The following TSPAN12 variants were observed in gnomAD, a reference collection of about 807,000 sequenced individuals.
TSPAN12 encodes tetraspanin 12.
TSPAN12 carries 19 observed loss-of-function variants against 39.2 expected under a neutral mutation model. That is an observed-to-expected ratio of 0.49 (90% confidence interval 0.34 to 0.71). TSPAN12 has a LOEUF of 0.71. Ranked by LOEUF, TSPAN12 falls within the 30% of genes least tolerant of loss-of-function variation. TSPAN12 has a pLI of 0.01. For synonymous variants in TSPAN12, 119 were observed against 124.8 expected, an observed-to-expected ratio of 0.95 and a Z score of 0.31; for missense variants, 314 against 359.9, an observed-to-expected ratio of 0.87 and a Z score of 1.03.
Position 120,806,545 on chromosome 7 carries a change from T to C in TSPAN12, c.612+4A>G, listed in dbSNP as rs752095641. The stretch of plus-strand genomic sequence containing the variant: ...CATAATAAATTAACCATATATGGCC[T>C]CACCTCTTGATAAAGGTCACTGAGA... On this transcript the variant is annotated splice_donor_region_variant and intron_variant, in intron 7 of 7. Coordinates refer to ENST00000222747, the MANE Select transcript of TSPAN12 (RefSeq NM_012338.4). 1.4e-5 allele frequency: 23 copies of C among 1,612,964 alleles called. No homozygotes were observed. The highest frequency in any genetic ancestry group is 1.9e-5 in the Non-Finnish European group (22 of 1,179,262).
chr7:120,788,490 C>G lies in TSPAN12; in HGVS notation c.*102G>C. ...TATATGCTTAGGTGTTATTTTATGG[C>G]AACATTTTTATTTCTACATATTTCT... is the stretch of plus-strand genomic sequence containing the variant. On this transcript the variant is annotated 3_prime_UTR_variant, in exon 8 of 8. Transcript: ENST00000222747. 7.0e-7 allele frequency: 1 copy of G among 1,434,158 alleles called. No homozygotes were observed. The allele number at this position is 1,434,158 out of a possible 1,614,324, so 88.8% of individuals were successfully genotyped here.
At chr7:120,841,787 G>A (rs1345778771) in intron 2 of TSPAN12, among the ~76,000 whole-genome samples, 1 of 152,156 alleles carries the variant, frequency 6.6e-6, no homozygotes, top group Non-Finnish European at 1.5e-5. Flanking sequence ...AAGTTAGGTG[G>A]GAAGTAGAGA....
intron 4 of TSPAN12, among the ~76,000 whole-genome samples, chr7:120,826,130 A>G (rs1794282024): frequency 6.6e-6 from 1 of 152,162 alleles, no homozygotes; most frequent in African/African-American, 2.4e-5. Flanking sequence ...CTAAAATTGT[A>G]TCTTAATTTA....
intron 6 of TSPAN12, among the ~76,000 whole-genome samples, chr7:120,808,622 G>A (rs1201423580): frequency 2.6e-5 from 4 of 152,034 alleles, no homozygotes. Context: ...CAACTACTAT[G>A]TTAAAATAAA....
At chr7:120,827,571 A>T (rs553208773) in intron 4 of TSPAN12, among the ~76,000 whole-genome samples, 1 of 152,342 alleles carries the variant, frequency 6.6e-6, no homozygotes, top group South Asian at 2.1e-4. Context: ...AGTCTAAATG[A>T]TAGAAGGAAG....
At chr7:120,833,783 T>C (rs1296579032) in intron 4 of TSPAN12, among the ~76,000 whole-genome samples, 1 of 152,168 alleles carries the variant, frequency 6.6e-6, no homozygotes, top group Non-Finnish European at 1.5e-5. Context: ...GTTCAATCTG[T>C]TTACATTCCC....
chr7:120,840,037 C>T lies in TSPAN12; in HGVS notation c.139G>A (p.Ala47Thr). Residue 47 changes from alanine (A) to threonine (T), a missense_variant, in exon 3 of 8, where the codon GCA becomes ACA. Physicochemically the swap from Ala to Thr is moderately conservative, Grantham distance 58 (BLOSUM62 0). Transcript: ENST00000222747. ...DYLNNVLTLTAETRVEEAVIL... is the reference protein window; with the variant it reads ...DYLNNVLTLTTETRVEEAVIL... ...AATTATAAAGTATACCTCGTTTCTG[C>T]AGTTAAAGTGAGAACATTATTTAGG... 1.2e-6 allele frequency: 2 copies of T among 1,611,524 alleles called. No homozygotes were observed. The highest frequency in any genetic ancestry group is 1.7e-6 in the Non-Finnish European group (2 of 1,177,732).
chr7:120,856,870 C>T (rs973279541), intron 1 of TSPAN12, 37 bp from the exon 2 acceptor site: 71 of 1,219,772 alleles, frequency 5.8e-5, no homozygotes, highest in Non-Finnish European at 8.3e-5. Flanking sequence ...CGGGACATCT[C>T]ACCATCACGC....
At chr7:120,848,590 C>T (rs913668755) in intron 2 of TSPAN12, among the ~76,000 whole-genome samples, 5 of 152,108 alleles carry the variant, frequency 3.3e-5, no homozygotes, top group Non-Finnish European at 7.4e-5. Context: ...AAAGTGTTCT[C>T]AAAAGTACTT....
At chr7:120,825,513 A>G (rs947797341) in intron 4 of TSPAN12, among the ~76,000 whole-genome samples, 3 of 152,210 alleles carry the variant, frequency 2.0e-5, no homozygotes, top group African/African-American at 7.2e-5. Context: ...AATACTTTTA[A>G]TAAACAAAAA....
intron 4 of TSPAN12, among the ~76,000 whole-genome samples, chr7:120,822,450 C>G (rs1251859921): frequency 1.3e-5 from 2 of 151,770 alleles, no homozygotes; most frequent in African/African-American, 4.8e-5. Flanking sequence ...AGGCATAATC[C>G]CAGGGAAAAC....
intron 2 of TSPAN12, among the ~76,000 whole-genome samples, chr7:120,849,106 T>C (rs1736202687): frequency 6.6e-6 from 1 of 152,214 alleles, no homozygotes; most frequent in African/African-American, 2.4e-5. Flanking sequence ...ATAGCTCCTT[T>C]TGCTTTCTCC....
intron 7 of TSPAN12, among the ~76,000 whole-genome samples, chr7:120,798,320 A>G (rs1208318683): frequency 6.6e-6 from 1 of 152,216 alleles, no homozygotes. Flanking sequence ...CGCAAGTCAC[A>G]GTCAACCAGA....
intron 7 of TSPAN12, among the ~76,000 whole-genome samples, chr7:120,804,050 T>C (rs1793824371): frequency 6.6e-6 from 1 of 152,132 alleles, no homozygotes; most frequent in African/African-American, 2.4e-5. Flanking sequence ...TATAATCATA[T>C]CATCAGTATT....
chr7:120,788,186 C>A lies in TSPAN12; in HGVS notation c.*406G>T. 1 of 175,410 alleles carries A rather than the reference C, an allele frequency of 5.7e-6. No homozygotes were observed. Among genetic ancestry groups the A allele is most frequent in the East Asian group, 1.6e-4 (1 of 6,234 alleles). The allele number at this position is 175,410 out of a possible 1,614,324, so 10.9% of individuals were successfully genotyped here. On this transcript the variant is annotated 3_prime_UTR_variant, in exon 8 of 8. Coordinates refer to ENST00000222747, the MANE Select transcript of TSPAN12 (RefSeq NM_012338.4). ...AAAAGTTATTAGTATTTTCTAACTT[C>A]CTATGTTAGCATTTAATTAGTACTT...
chr7:120,842,135 A>T (rs1489627703), intron 2 of TSPAN12, among the ~76,000 whole-genome samples: 1 of 152,222 alleles, frequency 6.6e-6, no homozygotes, highest in Non-Finnish European at 1.5e-5. Context: ...AATATACAGA[A>T]GGTAGAAATG....
intron 2 of TSPAN12, among the ~76,000 whole-genome samples, chr7:120,842,500 C>T (rs1215286072): frequency 1.3e-5 from 2 of 149,864 alleles, no homozygotes; most frequent in Non-Finnish European, 3.0e-5. Flanking sequence ...AAATACCCTG[C>T]TGAAGGTCTC....
At chr7:120,837,373 G>A (rs756293776) in intron 4 of TSPAN12, among the ~76,000 whole-genome samples, 1 of 149,958 alleles carries the variant, frequency 6.7e-6, no homozygotes, top group South Asian at 2.1e-4. Context: ...GTGCAGTGAC[G>A]TGATCTCGGC....
At chr7:120,802,421 T>C (rs545873840) in intron 7 of TSPAN12, among the ~76,000 whole-genome samples, 4 of 152,322 alleles carry the variant, frequency 2.6e-5, no homozygotes, top group African/African-American at 7.2e-5. Context: ...CTATCTTAAG[T>C]AACTCCCTCA....
Sources: gnomAD v4.1 joint callset for allele counts (sites outside exome capture counted in the v4.1 genomes callset) on GRCh38, gnomAD v4.1.1 for gene constraint, MANE v1.5 for transcripts, NCBI Gene and HGNC (gene_info 2026-07-23, HGNC 2026-07-21) for gene names.